UTRN: variants seen among roughly 807,000 people sequenced by gnomAD.
The protein encoded by UTRN is dystrophin-related protein 1.
UTRN carries 283 observed loss-of-function variants against 463.9 expected under a neutral mutation model. The ratio of observed to expected loss-of-function variants is 0.61; its 90% confidence interval spans 0.55 to 0.67. The LOEUF (loss-of-function observed/expected upper bound fraction) is 0.67, where lower values mean the gene tolerates loss of function less well. Among genes scored for constraint, UTRN ranks in the 30% least tolerant of loss-of-function variants. UTRN has a pLI of 0.00. For synonymous variants in UTRN, 1,442 were observed against 1,431.5 expected (o/e 1.01, Z -0.17); for missense variants, 3,922 against 4,084.3 (o/e 0.96, Z 1.08).
intron 8 of UTRN, among the ~76,000 whole-genome samples, 155 bp from the exon 9 acceptor site, chr6:144,429,426 A>G (rs1362921182): frequency 6.6e-6 from 1 of 152,198 alleles, no homozygotes; most frequent in Non-Finnish European, 1.5e-5. Context: ...CCTTTGTCTC[A>G]TATATTATGA....
intron 23 of UTRN, among the ~76,000 whole-genome samples, chr6:144,470,526 C>A (rs1790469099): frequency 6.6e-6 from 1 of 151,446 alleles, no homozygotes; most frequent in Non-Finnish European, 1.5e-5. Context: ...GGCAGAGATG[C>A]TCCTCACTTC....
chr6:144,346,639 G>A (rs920674338), intron 2 of UTRN, among the ~76,000 whole-genome samples: 1 of 152,162 alleles, frequency 6.6e-6, no homozygotes, highest in South Asian at 2.1e-4. Context: ...CCTGGCCAAT[G>A]TGGTGAAACA....
At position 144,304,993 on chromosome 6, in the gene UTRN, G is replaced by A. The variant is rs545091149; in HGVS notation, c.79+13086G>A. On this transcript the variant is annotated intron_variant, in intron 2 of 74. Transcript: ENST00000367545. The stretch of plus-strand genomic sequence containing the variant: ...GTTGCCCAGGCTGGAGTGCAATGGC[G>A]CGATCTCGGCTCACTACAATCTCCC... Among the ~76,000 whole-genome samples, 8 of 150,660 alleles carry A rather than the reference G, an allele frequency of 5.3e-5. No homozygotes were observed. The South Asian group carries it at 6.3e-4, about 12-fold the overall frequency.
At chr6:144,521,906 G>A in intron 39 of UTRN, 74 bp from the exon 40 acceptor site, 2 of 954,132 alleles carry the variant, frequency 2.1e-6, no homozygotes, top group East Asian at 7.8e-5. Flanking sequence ...CAATAGTCTT[G>A]TTATTATTCA....
intron 22 of UTRN, among the ~76,000 whole-genome samples, chr6:144,461,744 C>T (rs1323893037): frequency 2.0e-5 from 3 of 152,124 alleles, no homozygotes; most frequent in Non-Finnish European, 4.4e-5. Context: ...GGAGAGCAGC[C>T]ATTGAGCACT....
At chr6:144,621,123 AC>A (rs747942111) in intron 51 of UTRN, among the ~76,000 whole-genome samples, 9 of 152,102 alleles carry the variant, frequency 5.9e-5, no homozygotes, top group Non-Finnish European at 1.2e-4. Flanking sequence ...TGGTGGTATT[AC>A]CTCTTAGGGT....
At chr6:144,433,875 A>G (rs10080496) in intron 9 of UTRN, among the ~76,000 whole-genome samples, 7,863 of 150,568 alleles carry the variant, frequency 0.052, 626 homozygotes, top group African/African-American at 0.17. Flanking sequence ...AGCCAGGCAG[A>G]GGGGCTCCTC....
At chr6:144,598,763 T>C (rs1305218492) in intron 51 of UTRN, among the ~76,000 whole-genome samples, 2 of 152,222 alleles carry the variant, frequency 1.3e-5, no homozygotes, top group Non-Finnish European at 2.9e-5. Context: ...TAGTCAGCTG[T>C]GCCTGAATTC....
rs1445206186 is a variant in UTRN at position 144,789,195 on chromosome 6, G to T, written c.8836G>T (p.Gly2946Cys). The T allele has an allele frequency of 4.3e-6, 7 of 1,612,062 alleles. No homozygotes were observed. The highest frequency in any genetic ancestry group is 5.9e-6 in the Non-Finnish European group (7 of 1,179,014). The change falls in exon 62 of 75, where the codon GGT (glycine) becomes TGT (cysteine). Residue 2946 changes from glycine (G) to cysteine (C), a missense_variant and splice_region_variant. Transcript: ENST00000367545. Reference sequence around the variant, plus strand: ...ACATTAACATTCTTATAATTTTAGGGGTCGAACTGGAAAAATTAGAGTGCA... The same window carrying T: ...ACATTAACATTCTTATAATTTTAGGTGTCGAACTGGAAAAATTAGAGTGCA... ...LNWLLNVYDT[G>C]RTGKIRVQSL... is the part of the protein sequence containing the mutation.
Position 144,702,430 on chromosome 6 carries a change from G to A in UTRN, c.7809+2187G>A, listed in dbSNP as rs148248993. Among the ~76,000 whole-genome samples, 15 of 152,310 alleles carry A rather than the reference G, an allele frequency of 9.8e-5. No homozygotes were observed. In the East Asian group the frequency reaches 2.3e-3, roughly 23 times the overall value. On this transcript the variant is annotated intron_variant, in intron 53 of 74. Coordinates refer to ENST00000367545, the MANE Select transcript of UTRN (RefSeq NM_007124.3). ...TTTATTCAGCAAGTATTTATTGAGTGCCTAATATGAACCAGCATATTCTGG... is the reference window on the plus strand; with the variant it reads ...TTTATTCAGCAAGTATTTATTGAGTACCTAATATGAACCAGCATATTCTGG...
In UTRN at chr6:144,403,190, T is replaced by A; in HGVS notation, c.141+6T>A. Reference sequence around the variant, plus strand: ...TAAATGCTCGATTTTCAAAGGTAACTGAGACTTTCAAAAACTTCGATGGTT... The same window carrying A: ...TAAATGCTCGATTTTCAAAGGTAACAGAGACTTTCAAAAACTTCGATGGTT... On this transcript the variant is annotated splice_donor_region_variant and intron_variant, in intron 3 of 74. Coordinates refer to ENST00000367545, the MANE Select transcript of UTRN (RefSeq NM_007124.3). 6.2e-7 allele frequency: 1 copy of A among 1,612,300 alleles called. No individual in the cohort carries two copies. Among genetic ancestry groups the A allele is most frequent in the African/African-American group, 1.3e-5 (1 of 74,936 alleles).
chr6:144,566,885 T>C (rs970722618), intron 50 of UTRN, among the ~76,000 whole-genome samples: 1 of 152,096 alleles, frequency 6.6e-6, no homozygotes, highest in South Asian at 2.1e-4. Context: ...CAGTAGCTCA[T>C]GTCTGTAATC....
chr6:144,484,574 C>A (rs897820683), intron 27 of UTRN, among the ~76,000 whole-genome samples: 1 of 150,530 alleles, frequency 6.6e-6, no homozygotes, highest in Non-Finnish European at 1.5e-5. Flanking sequence ...TCCCGAGTAG[C>A]TGGGATTACA....
At chr6:144,501,794 C>A (rs1243130231) in intron 34 of UTRN, among the ~76,000 whole-genome samples, 1 of 152,070 alleles carries the variant, frequency 6.6e-6, no homozygotes, top group Non-Finnish European at 1.5e-5. Context: ...GGAATATATC[C>A]ATTTTTAAGT....
chr6:144,585,339 G>A (rs1044721593), intron 51 of UTRN, among the ~76,000 whole-genome samples: 1 of 151,960 alleles, frequency 6.6e-6, no homozygotes, highest in South Asian at 2.1e-4. Flanking sequence ...TATCTTCCAC[G>A]TATTCTTTCC....
intron 54 of UTRN, among the ~76,000 whole-genome samples, chr6:144,745,666 A>G (rs1173363561): frequency 6.6e-6 from 1 of 152,234 alleles, no homozygotes; most frequent in Non-Finnish European, 1.5e-5. Flanking sequence ...CAGAGGCAGC[A>G]GATGATGTTT....
At position 144,655,121 on chromosome 6, in the gene UTRN, C is replaced by T. The variant is rs80316411; in HGVS notation, c.7480-23285C>T. Among the ~76,000 whole-genome samples, 392 of 152,342 alleles carry T rather than the reference C, an allele frequency of 2.6e-3. 13 individuals are homozygous for T. The East Asian group carries it at 0.055, about 21-fold the overall frequency. On this transcript the variant is annotated intron_variant, in intron 51 of 74. Transcript: ENST00000367545. ...GACAAACATTAAAAATAATTCTTTG[C>T]GTACAAAGCATAGTGCCTGAACTTC... is the stretch of plus-strand genomic sequence containing the variant.
At chr6:144,792,571 A>G (rs375678879) in intron 62 of UTRN, among the ~76,000 whole-genome samples, 1 of 152,244 alleles carries the variant, frequency 6.6e-6, no homozygotes, top group East Asian at 1.9e-4. Context: ...GAGAGAGAAA[A>G]TGATGCATTT....
intron 63 of UTRN, among the ~76,000 whole-genome samples, chr6:144,795,731 T>C (rs961658051): frequency 2.0e-5 from 3 of 152,206 alleles, no homozygotes; most frequent in African/African-American, 4.8e-5. Flanking sequence ...TATTTTTTTC[T>C]TGTAAATTTG....
Sources: gnomAD v4.1 joint callset for allele counts (sites outside exome capture counted in the v4.1 genomes callset) on GRCh38, gnomAD v4.1.1 for gene constraint, MANE v1.5 for transcripts, NCBI Gene and HGNC (gene_info 2026-07-23, HGNC 2026-07-21) for gene names.